TBC1D4: variants seen among roughly 807,000 people sequenced by gnomAD.
TBC1D4 encodes the protein TBC (Tre-2, BUB2, CDC16) domain-containing protein.
Under a neutral mutation model 142.5 loss-of-function variants are expected in TBC1D4, and 121 were observed. The ratio of observed to expected loss-of-function variants is 0.85; its 90% CI spans 0.73 to 0.99. TBC1D4 has a LOEUF of 0.99. TBC1D4 is among the 50% of genes least tolerant of loss of function. The probability of loss-of-function intolerance (pLI) is 0.00; values close to 1 mark genes in which losing one functional copy is unlikely to be tolerated. For missense variants in TBC1D4, 1,475 were observed against 1,606.6 expected, an observed-to-expected ratio of 0.92 and a Z score of 1.40; for synonymous variants, 630 against 628.2, an observed-to-expected ratio of 1.00 and a Z score of -0.04.
At chr13:75,315,415 T>C (rs868412248) in intron 12 of TBC1D4, among the ~76,000 whole-genome samples, 4 of 111,296 alleles carry the variant, frequency 3.6e-5, no homozygotes, top group Non-Finnish European at 6.0e-5. Flanking sequence ...TATATATATA[T>C]ATACACACAC....
At chr13:75,287,143 C>T in intron 20 of TBC1D4, 118 bp from the exon 21 acceptor site, 2 of 843,480 alleles carry the variant, frequency 2.4e-6, no homozygotes, top group East Asian at 2.6e-5. Flanking sequence ...GAAGCAAATA[C>T]TCTGAAAACC....
rs80137160 is a variant in TBC1D4 at position 75,453,894 on chromosome 13, C to A, written c.498+27376G>T. 3.8e-3 allele frequency among the ~76,000 whole-genome samples: 575 copies of A among 151,610 alleles called. 4 individuals are homozygous for A. The highest frequency in any genetic ancestry group is 0.013 in the African/African-American group (552 of 41,360). ...AAAAAAAATTCTTATTTAATAATATCGAAAAAGAAAAATCATATGTGGATC... is the reference window on the plus strand; with the variant it reads ...AAAAAAAATTCTTATTTAATAATATAGAAAAAGAAAAATCATATGTGGATC... On this transcript the variant is annotated intron_variant, in intron 1 of 20. Transcript: ENST00000377636.
rs753056319 is a variant in TBC1D4, at chr13:75,327,807, C to A, written c.1751G>T (p.Gly584Val). The A allele has an allele frequency of 9.3e-6, 15 of 1,613,940 alleles. No homozygotes were observed. Among genetic ancestry groups the A allele is most frequent in the Non-Finnish European group, 1.0e-5 (12 of 1,179,904 alleles). ...IFSRGANRMR[G>V]RLGSVDSFER... ...AAAACTGTCCACACTTCCAAGCCGA[C>A]CTCTCATTCTGTTAGCTCCCTGAGT... Residue 584 changes from glycine to valine, a missense_variant, in exon 9 of 21, where the codon GGT becomes GTT. This residue lies in a region of TBC1D4 where 1,227 missense variants were observed against 1,267.7 expected (regional missense o/e 0.97). Transcript: ENST00000377636.
chr13:75,480,905 ACG>A (rs1491552689), intron 1 of TBC1D4, among the ~76,000 whole-genome samples: 1,961 of 57,470 alleles, frequency 0.034, 30 homozygotes, highest in South Asian at 0.089. Context: ...ACACACACAC[ACG>A]GCAAGCAAGC....
At chr13:75,294,693 T>A (rs1326619468) in intron 18 of TBC1D4, among the ~76,000 whole-genome samples, 161 bp downstream of exon 18, 1 of 152,218 alleles carries the variant, frequency 6.6e-6, no homozygotes, top group African/African-American at 2.4e-5. Context: ...TGATTTTAAG[T>A]TACTGTCAGA....
At chr13:75,289,738 G>A (rs991670804) in intron 19 of TBC1D4, among the ~76,000 whole-genome samples, 6 of 152,098 alleles carry the variant, frequency 3.9e-5, no homozygotes, top group African/African-American at 7.2e-5. Context: ...GGGCTGTAAG[G>A]TTTAATTAGG....
intron 5 of TBC1D4, among the ~76,000 whole-genome samples, chr13:75,344,029 C>T (rs1027977978): frequency 4.6e-5 from 7 of 151,408 alleles, no homozygotes; most frequent in Admixed American, 1.3e-4. Context: ...TTAGTAGAGA[C>T]GGAGTTTCAC....
chr13:75,310,067 C>T lies in TBC1D4; in HGVS notation c.2468G>A (p.Gly823Glu). 1.3e-5 allele frequency: 21 copies of T among 1,614,044 alleles called. No homozygotes were observed. Among genetic ancestry groups the T allele is most frequent in the Non-Finnish European group, 1.7e-5 (20 of 1,179,994 alleles). Residue 823 changes from glycine (G) to glutamate (E), a missense_variant, in exon 14 of 21, where the codon GGG (glycine) becomes GAG (glutamate). Gly to Glu is a moderately conservative substitution (Grantham distance 98). Coordinates refer to ENST00000377636, the MANE Select transcript of TBC1D4 (RefSeq NM_014832.5). Reference sequence around the variant, plus strand: ...TTCAATCTTTTCTGGGTCATCCTCCCCAGACAGGAATACAACCAGCGGTTC... The same window carrying T: ...TTCAATCTTTTCTGGGTCATCCTCCTCAGACAGGAATACAACCAGCGGTTC... ...EEEPLVVFLS[G>E]EDDPEKIEER...
chr13:75,329,716 A>T lies in TBC1D4; in HGVS notation c.1732-1890T>A, dbSNP rs185036858. ...AGGGAGAGTGGGAACTAAATTTTTT[A>T]AAAAATGTACATGTCCATAAATGTC... On this transcript the variant is annotated intron_variant, in intron 8 of 20. Transcript: ENST00000377636. Among the ~76,000 whole-genome samples, 463 of 152,284 alleles carry T rather than the reference A, an allele frequency of 3.0e-3. 7 individuals carry two copies. Among genetic ancestry groups the T allele is most frequent in the East Asian group, 0.029 (151 of 5,182 alleles).
chr13:75,444,679 T>A (rs954793419), intron 1 of TBC1D4, among the ~76,000 whole-genome samples: 4 of 152,130 alleles, frequency 2.6e-5, no homozygotes, highest in African/African-American at 9.7e-5. Context: ...ACAAAACAAC[T>A]CAAAGGACAA....
chr13:75,469,184 A>G (rs777007253), intron 1 of TBC1D4, among the ~76,000 whole-genome samples: 2 of 152,212 alleles, frequency 1.3e-5, no homozygotes, highest in Non-Finnish European at 2.9e-5. Flanking sequence ...GATGACTTAT[A>G]TGTCTGAATG....
At chr13:75,435,100 T>C (rs995747247) in intron 1 of TBC1D4, among the ~76,000 whole-genome samples, 1 of 151,994 alleles carries the variant, frequency 6.6e-6, no homozygotes, top group African/African-American at 2.4e-5. Context: ...TTTCCTAACG[T>C]ACTTGATTCA....
At chr13:75,378,592 G>T (rs2138243408) in intron 1 of TBC1D4, among the ~76,000 whole-genome samples, 1 of 152,220 alleles carries the variant, frequency 6.6e-6, no homozygotes, top group African/African-American at 2.4e-5. Context: ...AAGGGAAAAA[G>T]TTGATCACAA....
intron 1 of TBC1D4, among the ~76,000 whole-genome samples, chr13:75,465,309 C>T (rs1297045456): frequency 6.6e-6 from 1 of 152,168 alleles, no homozygotes; most frequent in East Asian, 1.9e-4. Flanking sequence ...CTTTATACAA[C>T]ACTCTATACC....
At chr13:75,395,087 A>T (rs1042770034) in intron 1 of TBC1D4, among the ~76,000 whole-genome samples, 1 of 152,216 alleles carries the variant, frequency 6.6e-6, no homozygotes, top group African/African-American at 2.4e-5. Flanking sequence ...ATATTTATCC[A>T]ATTAGAATAT....
chr13:75,336,888 T>C (rs371951626), intron 8 of TBC1D4, 33 bp downstream of exon 8: 2 of 1,613,156 alleles, frequency 1.2e-6, no homozygotes, highest in Non-Finnish European at 1.7e-6. Context: ...AACACAGATA[T>C]GCATACTTGA....
chr13:75,460,820 G>A (rs1423850525), intron 1 of TBC1D4, among the ~76,000 whole-genome samples: 1 of 152,124 alleles, frequency 6.6e-6, no homozygotes, highest in Admixed American at 6.6e-5. Context: ...CTACTAGGGT[G>A]ACTAAGGTGG....
chr13:75,328,850 G>A (rs1357993944), intron 8 of TBC1D4, among the ~76,000 whole-genome samples: 1 of 152,248 alleles, frequency 6.6e-6, no homozygotes, highest in African/African-American at 2.4e-5. Context: ...TTTAATCAAA[G>A]TAATATCAGC....
At chr13:75,308,322 T>C (rs1352383258) in intron 14 of TBC1D4, among the ~76,000 whole-genome samples, 1 of 152,226 alleles carries the variant, frequency 6.6e-6, no homozygotes, top group Non-Finnish European at 1.5e-5. Context: ...ATGTAAAACA[T>C]TCCATTTCCT....
Sources: gnomAD v4.1 joint callset for allele counts (sites outside exome capture counted in the v4.1 genomes callset) on GRCh38, gnomAD v4.1.1 for gene constraint, gnomAD v4.1.1 regional missense constraint, MANE v1.5 for transcripts, NCBI Gene and HGNC (gene_info 2026-07-23, HGNC 2026-07-21) for gene names.